The following KCNIP1 variants were observed in gnomAD, a reference collection of about 807,000 sequenced individuals.
KCNIP1 encodes the protein potassium voltage-gated channel interacting protein 1.
In KCNIP1, 18 loss-of-function variants were observed where a neutral mutation model predicts 33.0. The observed-to-expected ratio is 0.55, with a 90% CI of 0.38 to 0.81. The LOEUF is 0.81. KCNIP1 is among the 30% of genes least tolerant of loss of function. The pLI, the probability that KCNIP1 is intolerant of heterozygous loss-of-function variation, is 0.00. For synonymous variants in KCNIP1, 93 were observed against 98.3 expected (o/e 0.95, Z 0.32); for missense variants, 238 against 271.6 (o/e 0.88, Z 0.87).
At chr5:170,533,967 A>G (rs1755877095) in intron 1 of KCNIP1, among the ~76,000 whole-genome samples, 1 of 152,182 alleles carries the variant, frequency 6.6e-6, no homozygotes, top group South Asian at 2.1e-4. Flanking sequence ...TTTCTCATGC[A>G]TTCATTCAGT....
intron 1 of KCNIP1, among the ~76,000 whole-genome samples, chr5:170,606,951 C>T (rs1370816175): frequency 6.6e-6 from 1 of 152,106 alleles, no homozygotes; most frequent in East Asian, 1.9e-4. Context: ...GTATCAACCA[C>T]AGGCTTCTGT....
intron 1 of KCNIP1, among the ~76,000 whole-genome samples, chr5:170,397,919 C>G (rs1235559770): frequency 1.3e-5 from 2 of 152,130 alleles, no homozygotes; most frequent in African/African-American, 2.4e-5. Flanking sequence ...TAGATTTAAA[C>G]ATTTTCTGAT....
At position 170,569,798 on chromosome 5, in the gene KCNIP1, C is replaced by T. The variant is rs865999150; in HGVS notation, c.61+65165C>T. ...GTGTCTGGCACTTAGTAAGCCTTCA[C>T]CCTAGTTAGCTTTGCTAGGATTATG... On this transcript the variant is annotated intron_variant, in intron 1 of 7. Transcript: ENST00000328939. Among the ~76,000 whole-genome samples the T allele has an allele frequency of 5.9e-5, 9 of 152,116 alleles. No homozygotes were observed. In the South Asian group the frequency reaches 1.7e-3, roughly 28 times the overall value.
At chr5:170,693,840 G>A (rs980051478) in intron 1 of KCNIP1, among the ~76,000 whole-genome samples, 1 of 152,240 alleles carries the variant, frequency 6.6e-6, no homozygotes, top group African/African-American at 2.4e-5. Flanking sequence ...CTGAGGAAGG[G>A]CTGGCAGCCT....
intron 1 of KCNIP1, among the ~76,000 whole-genome samples, chr5:170,515,570 C>T (rs768448942): frequency 8.5e-5 from 13 of 152,218 alleles, no homozygotes; most frequent in Non-Finnish European, 1.8e-4. Context: ...ACTTTAGCAA[C>T]TTGGTTTTAT....
chr5:170,632,356 T>C (rs987467195), intron 1 of KCNIP1, among the ~76,000 whole-genome samples: 3 of 152,210 alleles, frequency 2.0e-5, no homozygotes, highest in African/African-American at 7.2e-5. Context: ...TGTATCTTTT[T>C]CCCCCAGAAG....
At chr5:170,597,314 G>A (rs1362082452) in intron 1 of KCNIP1, among the ~76,000 whole-genome samples, 2 of 152,194 alleles carry the variant, frequency 1.3e-5, no homozygotes, top group African/African-American at 2.4e-5. Context: ...TCATTCTCCC[G>A]TGCTAGGGAA....
At chr5:170,603,685 G>A (rs1019687500) in intron 1 of KCNIP1, among the ~76,000 whole-genome samples, 1 of 152,234 alleles carries the variant, frequency 6.6e-6, no homozygotes, top group East Asian at 1.9e-4. Flanking sequence ...CCAGCACAGG[G>A]CCACACAAGC....
intron 1 of KCNIP1, among the ~76,000 whole-genome samples, chr5:170,460,880 A>G (rs1449968504): frequency 6.6e-6 from 1 of 152,222 alleles, no homozygotes; most frequent in Non-Finnish European, 1.5e-5. Context: ...CTGTTTGCTG[A>G]TGATATTATT....
At chr5:170,377,183 C>G (rs1315880130) in intron 1 of KCNIP1, 2 of 152,272 alleles carry the variant, frequency 1.3e-5, no homozygotes, top group Admixed American at 1.3e-4. Context: ...CGCGACAGGA[C>G]GCTCACTTCC....
chr5:170,688,730 G>A (rs1762623615), intron 1 of KCNIP1, among the ~76,000 whole-genome samples: 1 of 152,164 alleles, frequency 6.6e-6, no homozygotes, highest in Non-Finnish European at 1.5e-5. Context: ...GATTATTCCT[G>A]GCCTCAATTG....
rs147760743 is a variant in KCNIP1 at position 170,575,853 on chromosome 5, G to A, written c.61+71220G>A. Among the ~76,000 whole-genome samples the A allele has an allele frequency of 2.7e-3, 408 of 152,274 alleles. 1 individual carries two copies. The highest frequency in any genetic ancestry group is 5.0e-3 in the Non-Finnish European group (339 of 68,034). On this transcript the variant is annotated intron_variant, in intron 1 of 7. Coordinates refer to ENST00000328939, the MANE Select transcript of KCNIP1 (RefSeq NM_014592.4). Reference sequence around the variant, plus strand: ...CTTAGCAATTCACCTTATTACAACTGTTAGGTGGAAAACTTTTTTTTCGTT... The same window carrying A: ...CTTAGCAATTCACCTTATTACAACTATTAGGTGGAAAACTTTTTTTTCGTT...
chr5:170,545,458 G>A lies in KCNIP1; in HGVS notation c.61+40825G>A, dbSNP rs117970177. Among the ~76,000 whole-genome samples, 107 of 152,080 alleles carry A rather than the reference G, an allele frequency of 7.0e-4. 2 individuals are homozygous for A. The East Asian group carries it at 0.02, about 28-fold the overall frequency. ...CTTGATCATTGTCTTTCCAAATTTTGCTTCTGCCCAGTTTCTCTTCTTGCC... is the reference window on the plus strand; with the variant it reads ...CTTGATCATTGTCTTTCCAAATTTTACTTCTGCCCAGTTTCTCTTCTTGCC... On this transcript the variant is annotated intron_variant, in intron 1 of 7. Coordinates refer to ENST00000328939, the MANE Select transcript of KCNIP1 (RefSeq NM_014592.4).
At chr5:170,538,326 A>C (rs968977746) in intron 1 of KCNIP1, among the ~76,000 whole-genome samples, 2 of 152,156 alleles carry the variant, frequency 1.3e-5, no homozygotes, top group African/African-American at 4.8e-5. Context: ...TCAGCCCCAC[A>C]TGGCCTGACA....
At chr5:170,431,425 G>T (rs1364914388) in intron 1 of KCNIP1, among the ~76,000 whole-genome samples, 1 of 152,228 alleles carries the variant, frequency 6.6e-6, no homozygotes, top group African/African-American at 2.4e-5. Context: ...CTAGCCTTAT[G>T]TGAGAATCTG....
At chr5:170,645,329 A>G (rs1016339543) in intron 1 of KCNIP1, among the ~76,000 whole-genome samples, 27 of 152,360 alleles carry the variant, frequency 1.8e-4, no homozygotes, top group African/African-American at 6.0e-4. Context: ...GAGTAGCTAC[A>G]TTGATTTCAG....
At chr5:170,591,763 G>T (rs978761069) in intron 1 of KCNIP1, among the ~76,000 whole-genome samples, 9 of 152,176 alleles carry the variant, frequency 5.9e-5, no homozygotes. Flanking sequence ...GTTGTTGCAT[G>T]TGTCAGAATT....
intron 1 of KCNIP1, among the ~76,000 whole-genome samples, chr5:170,415,261 G>A (rs935360389): frequency 5.9e-5 from 9 of 152,226 alleles, no homozygotes; most frequent in East Asian, 1.9e-4. Context: ...TGTGTTTGCC[G>A]TCTGCCTGTC....
chr5:170,407,912 A>G (rs1298796604), intron 1 of KCNIP1, among the ~76,000 whole-genome samples: 2 of 152,212 alleles, frequency 1.3e-5, no homozygotes, highest in Non-Finnish European at 2.9e-5. Context: ...CATCTTAGCT[A>G]TAGGGGTGTC....
Sources: gnomAD v4.1 joint callset for allele counts (sites outside exome capture counted in the v4.1 genomes callset) on GRCh38, gnomAD v4.1.1 for gene constraint, MANE v1.5 for transcripts, NCBI Gene and HGNC (gene_info 2026-07-23, HGNC 2026-07-21) for gene names.